WRN: variants seen among roughly 807,000 people sequenced by gnomAD.
WRN encodes the protein WRN RecQ like helicase.
Under a neutral mutation model 180.7 loss-of-function variants are expected in WRN, and 149 were observed. That is an observed-to-expected ratio of 0.82 (90% CI 0.72 to 0.94). The LOEUF is 0.94. Among genes scored for constraint, WRN ranks in the 40% least tolerant of loss-of-function variants. The pLI is 0.00. For synonymous variants in WRN, 548 were observed against 568.9 expected, an observed-to-expected ratio of 0.96 and a Z score of 0.52; for missense variants, 1,661 against 1,700.1, an observed-to-expected ratio of 0.98 and a Z score of 0.40.
intron 23 of WRN, among the ~76,000 whole-genome samples, chr8:31,125,537 GATATATATATATATATATAT>G (rs71206299): frequency 4.7e-5 from 3 of 63,766 alleles, no homozygotes; most frequent in Admixed American, 2.2e-4. Flanking sequence ...ATATTATGGA[GATATATATATATATATATAT>G]ATATATATAT....
In WRN at chr8:31,132,521, G is replaced by A; in HGVS notation, c.2967+15G>A. On this transcript the variant is annotated intron_variant, in intron 24 of 34. Coordinates refer to ENST00000298139, the MANE Select transcript of WRN (RefSeq NM_000553.6). Reference sequence around the variant, plus strand: ...TCCGAGGATCTGTAAGTATATATCTGTGAATTCCCTTCATAGATCTTCTTT... The same window carrying A: ...TCCGAGGATCTGTAAGTATATATCTATGAATTCCCTTCATAGATCTTCTTT... The A allele has an allele frequency of 6.2e-7, 1 of 1,614,002 alleles. No individual in the cohort carries two copies. The highest frequency in any genetic ancestry group is 8.5e-7 in the Non-Finnish European group (1 of 1,179,996).
At chr8:31,172,271 G>A (rs1020259452) in intron 34 of WRN, among the ~76,000 whole-genome samples, 9 of 152,068 alleles carry the variant, frequency 5.9e-5, no homozygotes, top group East Asian at 1.9e-4. Context: ...TCCTGCCAAA[G>A]TGTTGGGATT....
At chr8:31,115,843 A>T (rs1332303964) in intron 19 of WRN, among the ~76,000 whole-genome samples, 1 of 151,354 alleles carries the variant, frequency 6.6e-6, no homozygotes, top group Non-Finnish European at 1.5e-5. Context: ...TCTCAAGATT[A>T]CTAGTAAATA....
intron 3 of WRN, among the ~76,000 whole-genome samples, chr8:31,062,964 A>G (rs2130025241): frequency 6.6e-6 from 1 of 152,164 alleles, no homozygotes; most frequent in South Asian, 2.1e-4. Flanking sequence ...TCAAGTAGCT[A>G]CAACTACTGG....
At chr8:31,053,488 A>C (rs186421621) in intron 1 of WRN, among the ~76,000 whole-genome samples, 1 of 152,202 alleles carries the variant, frequency 6.6e-6, no homozygotes, top group Non-Finnish European at 1.5e-5. Flanking sequence ...GCGGTGAGCT[A>C]TTTTATTACT....
intron 7 of WRN, among the ~76,000 whole-genome samples, chr8:31,074,279 G>T (rs1813019786): frequency 6.6e-6 from 1 of 152,066 alleles, no homozygotes; most frequent in African/African-American, 2.4e-5. Context: ...TAAAAGCTTA[G>T]TTGCAGTTGG....
chr8:31,038,309 T>C (rs1811523842), intron 1 of WRN, among the ~76,000 whole-genome samples: 1 of 152,214 alleles, frequency 6.6e-6, no homozygotes, highest in Admixed American at 6.5e-5. Context: ...TTTTATTTTG[T>C]ATTTCTTTAA....
intron 21 of WRN, 56 bp from the exon 22 acceptor site, chr8:31,124,466 A>AT: frequency 7.5e-7 from 1 of 1,330,690 alleles, no homozygotes; most frequent in Middle Eastern, 1.9e-4. Flanking sequence ...TAAAAAAAAA[A>AT]GTAAGAAAGT....
At chr8:31,104,030 G>A (rs899233723) in intron 18 of WRN, among the ~76,000 whole-genome samples, 2 of 152,158 alleles carry the variant, frequency 1.3e-5, no homozygotes, top group African/African-American at 4.8e-5. Flanking sequence ...CACTGCGCCC[G>A]GCCTTCAGAG....
At chr8:31,049,746 C>T (rs922603907) in intron 1 of WRN, among the ~76,000 whole-genome samples, 6 of 152,052 alleles carry the variant, frequency 3.9e-5, no homozygotes, top group African/African-American at 1.2e-4. Flanking sequence ...CCTACAGATT[C>T]CTGACCTCTC....
At chr8:31,115,109 T>C (rs1312282270) in intron 19 of WRN, among the ~76,000 whole-genome samples, 2 of 152,164 alleles carry the variant, frequency 1.3e-5, no homozygotes. Context: ...TTGGCCAGGC[T>C]GGTCTCGAAC....
intron 33 of WRN, among the ~76,000 whole-genome samples, chr8:31,159,295 A>G (rs1183438809): frequency 6.6e-6 from 1 of 151,714 alleles, no homozygotes; most frequent in Non-Finnish European, 1.5e-5. Context: ...CAGAGTGAGA[A>G]CCTGTCTCAA....
chr8:31,111,554 T>C, intron 18 of WRN, 61 bp from the exon 19 acceptor site: 3 of 1,575,312 alleles, frequency 1.9e-6, no homozygotes, highest in Middle Eastern at 1.7e-4. Flanking sequence ...AAGAAAGCTA[T>C]AGACATGTTG....
At chr8:31,078,013 T>A (rs1269491283) in intron 8 of WRN, among the ~76,000 whole-genome samples, 1 of 152,196 alleles carries the variant, frequency 6.6e-6, no homozygotes, top group East Asian at 1.9e-4. Context: ...TTTCAGTATC[T>A]ATTAGATAAA....
rs758232075 is a variant in WRN, at chr8:31,100,890, G to C, written c.2023G>C (p.Glu675Gln). Residue 675 changes from glutamate (E) to glutamine (Q), a missense_variant, in exon 18 of 35, where the codon GAG becomes CAG. This residue lies in a region of WRN where 1,141 missense variants were observed against 1,149.4 expected (regional missense o/e 0.99). Coordinates refer to ENST00000298139, the MANE Select transcript of WRN (RefSeq NM_000553.6). The stretch of plus-strand genomic sequence containing the variant: ...TGTGGATGAGGCTCACTGTATTTCT[G>C]AGTGGGGGCATGATTTTAGGGATTC... The part of the protein sequence containing the change: ...IAVDEAHCIS[E>Q]WGHDFRDSFR... The C allele has an allele frequency of 2.1e-5, 34 of 1,613,960 alleles. No homozygotes were observed. The highest frequency in any genetic ancestry group is 2.2e-5 in the Non-Finnish European group (26 of 1,179,972).
chr8:31,086,398 C>A (rs996037424), intron 11 of WRN, among the ~76,000 whole-genome samples: 7 of 151,938 alleles, frequency 4.6e-5, no homozygotes, highest in Non-Finnish European at 7.4e-5. Context: ...CATGGCAAAA[C>A]CCTCTCTCTC....
chr8:31,096,995 GT>G, intron 17 of WRN, 145 bp downstream of exon 17: 2 of 779,828 alleles, frequency 2.6e-6, no homozygotes, highest in Non-Finnish European at 4.4e-6. Context: ...CTAACTTGCT[GT>G]TTCACCTATC....
chr8:31,070,339 A>G (rs1812862406), intron 7 of WRN, among the ~76,000 whole-genome samples: 1 of 151,366 alleles, frequency 6.6e-6, no homozygotes, highest in Non-Finnish European at 1.5e-5. Flanking sequence ...TTTGCTTTTT[A>G]TTATTAGACT....
chr8:31,172,270 A>G (rs1366983106), intron 34 of WRN, among the ~76,000 whole-genome samples: 1 of 151,950 alleles, frequency 6.6e-6, no homozygotes, highest in Non-Finnish European at 1.5e-5. Flanking sequence ...ATCCTGCCAA[A>G]GTGTTGGGAT....
Sources: gnomAD v4.1 joint callset for allele counts (sites outside exome capture counted in the v4.1 genomes callset) on GRCh38, gnomAD v4.1.1 for gene constraint, gnomAD v4.1.1 regional missense constraint, MANE v1.5 for transcripts, NCBI Gene and HGNC (gene_info 2026-07-23, HGNC 2026-07-21) for gene names.